SLC12A7: variants seen among roughly 807,000 people sequenced by gnomAD.
SLC12A7 encodes solute carrier family 12 member 7.
A neutral mutation model predicts 120.6 loss-of-function variants in SLC12A7; 100 were observed. That is an observed-to-expected ratio of 0.83 (90% CI 0.71 to 0.98). The LOEUF is 0.98. Ranked by LOEUF, SLC12A7 falls within the 50% of genes least tolerant of loss-of-function variation. The pLI is 0.00. For missense variants in SLC12A7, 1,373 were observed against 1,548.1 expected (o/e 0.89, Z 1.90); for synonymous variants, 760 against 678.0 (o/e 1.12, Z -1.88).
At chr5:1,078,098 G>C in intron 11 of SLC12A7, 91 bp from the exon 12 acceptor site, 1 of 1,413,012 alleles carries the variant, frequency 7.1e-7, no homozygotes, top group Non-Finnish European at 9.4e-7. Flanking sequence ...GAGGGGCCCA[G>C]TGCAGTGGGG....
chr5:1,143,193 C>T, the SLC12A7 span, among the ~76,000 whole-genome samples: 14 of 152,232 alleles, frequency 9.2e-5, no homozygotes, highest in African/African-American at 2.4e-4. Context: ...CGGAGCTTCC[C>T]GACATCCCGC....
intron 1 of SLC12A7, among the ~76,000 whole-genome samples, chr5:1,095,586 C>G (rs891607980): frequency 2.6e-5 from 4 of 152,222 alleles, no homozygotes; most frequent in African/African-American, 9.6e-5. Flanking sequence ...TGGTGTGGGA[C>G]CCTGAGGGTG....
rs1561060963 is a variant in SLC12A7 at position 1,076,173 on chromosome 5, G to A, written c.1812C>T (p.Thr604=). The change falls in exon 14 of 24, where the codon ACC becomes ACT. Residue 604 remains threonine, a synonymous_variant. Transcript: ENST00000264930. ...ACTTGAAGCGTGGACGCCAGTTGGGGGTACGTAGCAGGGTCTGCACGGCGC... is the reference window on the plus strand; with the variant it reads ...ACTTGAAGCGTGGACGCCAGTTGGGAGTACGTAGCAGGGTCTGCACGGCGC... The part of the protein sequence containing the change: ...LACAVQTLLR[T]PNWRPRFKFY... 1.9e-6 allele frequency: 3 copies of A among 1,612,298 alleles called. No homozygotes were observed. Among genetic ancestry groups the A allele is most frequent in the African/African-American group, 1.3e-5 (1 of 74,936 alleles).
chr5:1,120,756 G>A, the SLC12A7 span, among the ~76,000 whole-genome samples: 28 of 152,254 alleles, frequency 1.8e-4, no homozygotes, highest in African/African-American at 5.5e-4. Flanking sequence ...GGATGATCTC[G>A]CACGTGGGCT....
intron 1 of SLC12A7, among the ~76,000 whole-genome samples, chr5:1,100,074 G>C (rs561155840): frequency 6.6e-6 from 1 of 152,198 alleles, no homozygotes; most frequent in African/African-American, 2.4e-5. Flanking sequence ...CCTCCTACCC[G>C]GCCGGGCTGG....
chr5:1,135,106 G>A, the SLC12A7 span, among the ~76,000 whole-genome samples: 2 of 152,164 alleles, frequency 1.3e-5, no homozygotes, highest in Non-Finnish European at 2.9e-5. Context: ...CAGCCTGGGC[G>A]ACAGGGCAAG....
intron 13 of SLC12A7, 90 bp downstream of exon 13, chr5:1,076,604 T>C: frequency 1.1e-6 from 1 of 928,818 alleles, no homozygotes. Flanking sequence ...GCCTGTCTAC[T>C]GCTTGTCCTG....
At chr5:1,056,174 C>T (rs572245702) in intron 22 of SLC12A7, among the ~76,000 whole-genome samples, 29 of 152,220 alleles carry the variant, frequency 1.9e-4, no homozygotes, top group Non-Finnish European at 3.8e-4. Context: ...GGAGGCTGGA[C>T]AGCTTTAACA....
At chr5:1,057,827 CCCT>C (rs1735788865) in intron 21 of SLC12A7, among the ~76,000 whole-genome samples, 178 bp from the exon 22 acceptor site, 1 of 152,160 alleles carries the variant, frequency 6.6e-6, no homozygotes, top group African/African-American at 2.4e-5. Context: ...GTGACTGCCT[CCCT>C]CCTCCCAGGC....
rs1479437456 is a variant in SLC12A7, at chr5:1,065,151, TGGGGACGAAAA to T, written c.2437+121_2437+131del. On this transcript the variant is annotated intron_variant, in intron 18 of 23. Transcript: ENST00000264930. ...TGCAGAGGGGACACCAAGGGGACAG[TGGGGACGAAAA>T]GGGGACAGTGAGAGGACAGCGAGGG... The T allele has an allele frequency of 4.4e-5, 29 of 655,112 alleles. No homozygotes were observed. In the African/African-American group the frequency reaches 9.0e-4, roughly 20 times the overall value. The allele number at this position is 655,112 out of a possible 1,614,324, so 40.6% of individuals were successfully genotyped here. A position where few individuals can be genotyped will look rare whatever the true frequency, so the allele number is the denominator to read the frequency against.
chr5:1,076,546 G>T, intron 13 of SLC12A7, 148 bp downstream of exon 13: 1 of 667,446 alleles, frequency 1.5e-6, no homozygotes. Flanking sequence ...TGTCTTCCCC[G>T]GCGCAACTCC....
intron 1 of SLC12A7, among the ~76,000 whole-genome samples, chr5:1,099,992 G>T (rs1478421525): frequency 2.0e-5 from 3 of 152,180 alleles, no homozygotes; most frequent in Non-Finnish European, 4.4e-5. Flanking sequence ...GACTCATAAG[G>T]CTTTAAAAGG....
the SLC12A7 span, among the ~76,000 whole-genome samples, chr5:1,153,247 G>C: frequency 1.3e-5 from 2 of 152,204 alleles, no homozygotes; most frequent in East Asian, 3.9e-4. Context: ...CAGCCTCCAA[G>C]CACCCACCCC....
chr5:1,094,213 T>C lies in SLC12A7; in HGVS notation c.160A>G (p.Asn54Asp). The C allele has an allele frequency of 6.2e-7, 1 of 1,613,424 alleles. No individual in the cohort carries two copies. The highest frequency in any genetic ancestry group is 8.5e-7 in the Non-Finnish European group (1 of 1,179,646). Residue 54 changes from asparagine (N) to aspartate (D), a missense_variant, in exon 2 of 24, where the codon AAC becomes GAC. Coordinates refer to ENST00000264930, the MANE Select transcript of SLC12A7 (RefSeq NM_006598.3). The stretch of plus-strand genomic sequence containing the variant: ...CTCTCTTGTTCCACCTCGACATTGT[T>C]GAGGAATGGGCTGTTTTCTCTTGGA... ...GNPRENSPFLNNVEVEQESFF... is the reference protein window; with the variant it reads ...GNPRENSPFLDNVEVEQESFF...
chr5:1,098,975 A>T (rs1397674886), intron 1 of SLC12A7, among the ~76,000 whole-genome samples: 1 of 151,870 alleles, frequency 6.6e-6, no homozygotes, highest in Non-Finnish European at 1.5e-5. Flanking sequence ...ATTCATGATG[A>T]CCGGAAGGCT....
At chr5:1,108,471 C>T in intron 1 of SLC12A7, among the ~76,000 whole-genome samples, 1 of 152,222 alleles carries the variant, frequency 6.6e-6, no homozygotes, top group East Asian at 1.9e-4. Context: ...GCTGCAGGGG[C>T]TCCCGGGCAC....
In SLC12A7 at chr5:1,093,507, G is replaced by GGCGGGGACTGA. The variant is rs762147718; in HGVS notation, c.342+25_342+26insTCAGTCCCCGC. The stretch of plus-strand genomic sequence containing the variant: ...GCCGGGACACACGGGGCGGGGACTG[G>GGCGGGGACTGA]GCGGGCACGGGCAGGGTGGCAGTAC... On this transcript the variant is annotated intron_variant, in intron 3 of 23. Transcript: ENST00000264930. 7.6e-6 allele frequency: 12 copies of GGCGGGGACTGA among 1,580,844 alleles called. No homozygotes were observed. The South Asian group carries it at 1.3e-4, about 17-fold the overall frequency.
At chr5:1,100,663 C>T (rs1017068172) in intron 1 of SLC12A7, among the ~76,000 whole-genome samples, 1 of 152,212 alleles carries the variant, frequency 6.6e-6, no homozygotes, top group South Asian at 2.1e-4. Context: ...GCAGGGAGGG[C>T]GCCTGTCCTC....
At chr5:1,123,198 A>G in the SLC12A7 span, among the ~76,000 whole-genome samples, 4 of 152,184 alleles carry the variant, frequency 2.6e-5, no homozygotes, top group Non-Finnish European at 4.4e-5. Context: ...CCTGTGCCCA[A>G]GGTCACTCTG....
Sources: allele counts gnomAD v4.1 joint callset (sites outside exome capture counted in the v4.1 genomes callset), GRCh38; gene constraint gnomAD v4.1.1; transcripts MANE v1.5; gene names NCBI Gene and HGNC (gene_info 2026-07-23, HGNC 2026-07-21).